ADCY2: variants seen among roughly 807,000 people sequenced by gnomAD.
The protein encoded by ADCY2 is adenylate cyclase 2.
Under a neutral mutation model 125.2 loss-of-function variants are expected in ADCY2, and 31 were observed. The observed-to-expected ratio is 0.25, with a 90% confidence interval of 0.19 to 0.33. The LOEUF (loss-of-function observed/expected upper bound fraction) is 0.33, where lower values mean the gene tolerates loss of function less well. Ranked by LOEUF, ADCY2 falls within the 10% of genes least tolerant of loss-of-function variation. The pLI is 1.00. For missense variants in ADCY2, 904 were observed against 1,418.2 expected (o/e 0.64, Z 5.82); for synonymous variants, 512 against 548.4 (o/e 0.93, Z 0.93).
intron 15 of ADCY2, among the ~76,000 whole-genome samples, chr5:7,752,514 GCTT>G (rs1186468787): frequency 2.0e-5 from 3 of 151,742 alleles, no homozygotes; most frequent in African/African-American, 4.8e-5. Flanking sequence ...CTTAATATGA[GCTT>G]CTACTTCTCT....
intron 2 of ADCY2, among the ~76,000 whole-genome samples, chr5:7,474,332 AC>A (rs2126461467): frequency 6.6e-6 from 1 of 152,348 alleles, no homozygotes; most frequent in East Asian, 1.9e-4. Context: ...TATGGTGCTC[AC>A]AAACATATAA....
intron 15 of ADCY2, among the ~76,000 whole-genome samples, chr5:7,754,344 AT>A (rs1315271152): frequency 6.6e-6 from 1 of 152,220 alleles, no homozygotes; most frequent in Non-Finnish European, 1.5e-5. Context: ...ACTAGCTAAT[AT>A]TTTACCTAAT....
rs551251565 is a variant in ADCY2 at position 7,733,918 on chromosome 5, A to G, written c.1871+6657A>G. Among the ~76,000 whole-genome samples, 134 of 152,328 alleles carry G rather than the reference A, an allele frequency of 8.8e-4. 1 individual carries two copies. The highest frequency in any genetic ancestry group is 3.2e-3 in the African/African-American group (132 of 41,582). Reference sequence around the variant, plus strand: ...TAACATCTCAAAGCTAAGTCCTCTCATCAGAGAAAGGCTACTGTAATGGTG... The same window carrying G: ...TAACATCTCAAAGCTAAGTCCTCTCGTCAGAGAAAGGCTACTGTAATGGTG... On this transcript the variant is annotated intron_variant, in intron 14 of 24. Transcript: ENST00000338316.
Position 7,698,347 on chromosome 5 carries a change from TG to T in ADCY2, c.1086del (p.Leu363TrpfsTer7). The T allele has an allele frequency of 6.2e-7, 1 of 1,614,172 alleles. No individual in the cohort carries two copies. The highest frequency in any genetic ancestry group is 8.5e-7 in the Non-Finnish European group (1 of 1,180,014). On this transcript the variant is annotated frameshift_variant, in exon 7 of 25. Coordinates refer to ENST00000338316, the MANE Select transcript of ADCY2 (RefSeq NM_020546.3). LOFTEE classifies it high-confidence loss of function. ...AACCATGCCAAGAACTGTGTGAAAA[TG>T]GGGCTGGACATGTGTGAAGCCATAA... ...LPNHAKNCVK[M>X]GLDMCEAIKK...
intron 3 of ADCY2, among the ~76,000 whole-genome samples, chr5:7,597,189 G>C (rs745782114): frequency 1.1e-4 from 16 of 152,218 alleles, no homozygotes; most frequent in Non-Finnish European, 1.6e-4. Context: ...GCTATTTCTG[G>C]CTTATGCCTG....
chr5:7,746,770 A>G (rs72712211), intron 15 of ADCY2, among the ~76,000 whole-genome samples: 54,291 of 152,188 alleles, frequency 0.36, 10,676 homozygotes, highest in Non-Finnish European at 0.44. Flanking sequence ...ACCAGCTTTC[A>G]GTTCTCCGTA....
intron 3 of ADCY2, among the ~76,000 whole-genome samples, chr5:7,603,310 G>A (rs1737276929): frequency 6.6e-6 from 1 of 152,180 alleles, no homozygotes; most frequent in Non-Finnish European, 1.5e-5. Context: ...GAGCTGATCA[G>A]CAGTGTTTCC....
chr5:7,527,158 C>T (rs1734499815), intron 3 of ADCY2, among the ~76,000 whole-genome samples: 1 of 152,120 alleles, frequency 6.6e-6, no homozygotes, highest in Non-Finnish European at 1.5e-5. Flanking sequence ...TGCCTCCTGC[C>T]TGGTCCCCAG....
At chr5:7,626,362 A>G in intron 4 of ADCY2, 46 bp downstream of exon 4, 1 of 1,592,600 alleles carries the variant, frequency 6.3e-7, no homozygotes, top group Non-Finnish European at 8.6e-7. Context: ...AGTCATTATT[A>G]AAATGATGCT....
At chr5:7,820,500 T>TA (rs796499238) in intron 23 of ADCY2, 65 bp from the exon 24 acceptor site, 19 of 1,576,784 alleles carry the variant, frequency 1.2e-5, no homozygotes, top group African/African-American at 2.7e-5. Flanking sequence ...TCTCAAAAAA[T>TA]AAAAAAAATA....
intron 4 of ADCY2, among the ~76,000 whole-genome samples, chr5:7,653,319 T>C (rs1579280459): frequency 1.3e-5 from 2 of 152,350 alleles, no homozygotes; most frequent in East Asian, 1.9e-4. Flanking sequence ...TTGCTCTTTG[T>C]TGAGACTTTG....
In ADCY2 at chr5:7,663,171, AT is replaced by A. The variant is rs529766412; in HGVS notation, c.721-27518del. ...AATACTACTAATAAGCATCTATTAAATTACTACAGTAGACAGAGTTAGGTAC... is the reference window on the plus strand; with the variant it reads ...AATACTACTAATAAGCATCTATTAAATACTACAGTAGACAGAGTTAGGTAC... On this transcript the variant is annotated intron_variant, in intron 4 of 24. Transcript: ENST00000338316. Among the ~76,000 whole-genome samples the A allele has an allele frequency of 1.4e-4, 21 of 152,364 alleles. No homozygotes were observed. The South Asian group carries it at 4.3e-3, about 32-fold the overall frequency.
intron 3 of ADCY2, among the ~76,000 whole-genome samples, chr5:7,566,410 C>T (rs1227521711): frequency 2.6e-5 from 4 of 152,074 alleles, no homozygotes; most frequent in Admixed American, 6.6e-5. Context: ...GTGGGAGGAT[C>T]GCTTGAGCCC....
chr5:7,782,264 A>G (rs972770807), intron 18 of ADCY2: 1 of 167,054 alleles, frequency 6.0e-6, no homozygotes, highest in Admixed American at 6.5e-5. Flanking sequence ...GATCTGGGAG[A>G]TGGGTGAGCA....
At position 7,742,097 on chromosome 5, in the gene ADCY2, C is replaced by T. The variant is rs527528998; in HGVS notation, c.1872-1571C>T. 8.6e-4 allele frequency among the ~76,000 whole-genome samples: 126 copies of T among 147,298 alleles called. 2 individuals carry two copies. The South Asian group carries it at 0.011, about 12-fold the overall frequency. ...CCTTATGAATCTGGCATTACCTTAA[C>T]ACCGAGAAAAAGCTAGGAGAGCATA... On this transcript the variant is annotated intron_variant, in intron 14 of 24. Coordinates refer to ENST00000338316, the MANE Select transcript of ADCY2 (RefSeq NM_020546.3).
Position 7,812,226 on chromosome 5 carries a change from A to C in ADCY2, c.2884-4640A>C, listed in dbSNP as rs546585912. On this transcript the variant is annotated intron_variant, in intron 22 of 24. Transcript: ENST00000338316. ...TCTCTGTGGAAATGAAAAGCAAAAA[A>C]TCCTAAGTCTGTGTATTTTTGTGCA... Among the ~76,000 whole-genome samples, 19 of 152,332 alleles carry C rather than the reference A, an allele frequency of 1.2e-4. No individual in the cohort carries two copies. The South Asian group carries it at 3.9e-3, about 32-fold the overall frequency.
intron 14 of ADCY2, among the ~76,000 whole-genome samples, chr5:7,742,339 C>T (rs1742464362): frequency 6.6e-6 from 1 of 152,092 alleles, no homozygotes; most frequent in African/African-American, 2.4e-5. Context: ...TAGCATGAGC[C>T]CGGCCCATGA....
At chr5:7,411,699 C>T (rs948290308) in intron 1 of ADCY2, among the ~76,000 whole-genome samples, 1 of 152,072 alleles carries the variant, frequency 6.6e-6, no homozygotes, top group Non-Finnish European at 1.5e-5. Flanking sequence ...CAATTTAGAA[C>T]CAAAATCAAA....
chr5:7,795,656 G>A (rs1015741736), intron 20 of ADCY2: 4 of 152,238 alleles, frequency 2.6e-5, no homozygotes, highest in African/African-American at 9.6e-5. Flanking sequence ...ATACTGCTCT[G>A]TGAGTCTTCT....
Sources: allele counts gnomAD v4.1 joint callset (sites outside exome capture counted in the v4.1 genomes callset), GRCh38; gene constraint gnomAD v4.1.1; transcripts MANE v1.5; gene names NCBI Gene and HGNC (gene_info 2026-07-23, HGNC 2026-07-21).